RABGAP1L: variants seen among roughly 807,000 people sequenced by gnomAD.
RABGAP1L encodes rab GTPase-activating protein 1-like.
RABGAP1L carries 63 observed loss-of-function variants against 137.7 expected under a neutral mutation model. The observed-to-expected ratio is 0.46, with a 90% confidence interval of 0.37 to 0.56. The LOEUF (loss-of-function observed/expected upper bound fraction) is 0.56. RABGAP1L is among the 20% of genes least tolerant of loss of function. RABGAP1L has a pLI of 0.00. For synonymous variants in RABGAP1L, 431 were observed against 433.7 expected, an observed-to-expected ratio of 0.99 and a Z score of 0.08; for missense variants, 1,095 against 1,244.0, an observed-to-expected ratio of 0.88 and a Z score of 1.80.
At chr1:174,424,485 A>G (rs1350657299) in intron 13 of RABGAP1L, among the ~76,000 whole-genome samples, 1 of 152,064 alleles carries the variant, frequency 6.6e-6, no homozygotes, top group Non-Finnish European at 1.5e-5. Context: ...TTTTAGGAAC[A>G]TTTTCGTCAT....
chr1:174,701,077 T>C (rs1335788485), intron 16 of RABGAP1L: 28 of 1,303,096 alleles, frequency 2.1e-5, no homozygotes, highest in Non-Finnish European at 2.6e-5. Flanking sequence ...GCTTATTTTG[T>C]TTTTTATTCT....
At chr1:174,386,924 T>C (rs909375649) in intron 12 of RABGAP1L, among the ~76,000 whole-genome samples, 4 of 152,152 alleles carry the variant, frequency 2.6e-5, no homozygotes, top group African/African-American at 9.7e-5. Flanking sequence ...TAAAGAGAGA[T>C]TATGAGAATG....
intron 13 of RABGAP1L, among the ~76,000 whole-genome samples, chr1:174,438,524 C>T (rs192532029): frequency 3.8e-4 from 57 of 151,724 alleles, no homozygotes; most frequent in African/African-American, 1.3e-3. Context: ...TTGAGGCCAG[C>T]CTGGTCAACA....
chr1:174,694,203 TTTA>T (rs1187676355), intron 15 of RABGAP1L, among the ~76,000 whole-genome samples: 2 of 152,044 alleles, frequency 1.3e-5, no homozygotes, highest in East Asian at 3.9e-4. Flanking sequence ...TTATTTTTTA[TTTA>T]TTATTATTAT....
chr1:174,384,192 A>T (rs1219627543), intron 12 of RABGAP1L, among the ~76,000 whole-genome samples: 30 of 152,232 alleles, frequency 2.0e-4, no homozygotes, highest in Non-Finnish European at 1.5e-5. Flanking sequence ...ATACTATGTT[A>T]TTCCATTTGT....
At chr1:174,869,214 G>A (rs564008630) in intron 19 of RABGAP1L, among the ~76,000 whole-genome samples, 1 of 152,180 alleles carries the variant, frequency 6.6e-6, no homozygotes, top group African/African-American at 2.4e-5. Flanking sequence ...TCGTTTTGTG[G>A]ATGATGACAT....
Position 174,221,035 on chromosome 1 carries a change from A to AAAAG in RABGAP1L, c.203_206dup (p.Pro70LysfsTer8). On this transcript the variant is annotated frameshift_variant, in exon 3 of 26. Transcript: ENST00000681986. LOFTEE classifies it high-confidence loss of function. ...GGAAGAGATTTTGAGAGATTCCGAGAAAAGGCCAAGCAGTCTTCTTGTTGA... is the reference window on the plus strand; with the variant it reads ...GGAAGAGATTTTGAGAGATTCCGAGAAAAGAAAGGCCAAGCAGTCTTCTTGTTGA... The AAAAG allele has an allele frequency of 6.2e-7, 1 of 1,613,560 alleles. No individual in the cohort carries two copies. Among genetic ancestry groups the AAAAG allele is most frequent in the Non-Finnish European group, 8.5e-7 (1 of 1,179,718 alleles).
intron 20 of RABGAP1L, chr1:174,958,336 C>T (rs1668792041): frequency 6.1e-6 from 4 of 657,930 alleles, no homozygotes; most frequent in Non-Finnish European, 8.6e-6. Context: ...ATTAGCAACA[C>T]TGTTCCCAGG....
At chr1:174,652,963 G>C (rs1675658742) in intron 14 of RABGAP1L, among the ~76,000 whole-genome samples, 1 of 152,190 alleles carries the variant, frequency 6.6e-6, no homozygotes, top group South Asian at 2.1e-4. Flanking sequence ...GTCCTGACTG[G>C]GGCTGCTGCC....
chr1:174,875,489 C>G, intron 19 of RABGAP1L: 2 of 980,408 alleles, frequency 2.0e-6, no homozygotes, highest in Non-Finnish European at 2.4e-6. Context: ...GAAGTACTTT[C>G]TTTACCTTCC....
chr1:174,761,519 C>T lies in RABGAP1L; in HGVS notation c.2211+9165C>T, dbSNP rs1421705869. Among the ~76,000 whole-genome samples, 3 of 151,966 alleles carry T rather than the reference C, an allele frequency of 2.0e-5. No homozygotes were observed. The highest frequency in any genetic ancestry group is 2.1e-4 in the South Asian group (1 of 4,808). ...GGCCGGGGAGAGGCGCTGCTCACTT[C>T]CCAGCAGAGGCTCTCCTCACTTCCC... On this transcript the variant is annotated intron_variant, in intron 18 of 25. Transcript: ENST00000681986. This position sits in a 1 kb window ranked among gnomAD's most constrained non-coding sequence, Gnocchi z 4.0.
chr1:174,652,634 G>A (rs532463128), intron 14 of RABGAP1L, among the ~76,000 whole-genome samples: 18 of 152,192 alleles, frequency 1.2e-4, no homozygotes, highest in Non-Finnish European at 2.4e-4. Flanking sequence ...ATAGGCTTCA[G>A]AACAGCAAGA....
chr1:174,209,885 T>G (rs1010026232), intron 1 of RABGAP1L, among the ~76,000 whole-genome samples: 3 of 152,150 alleles, frequency 2.0e-5, no homozygotes, highest in Non-Finnish European at 4.4e-5. Flanking sequence ...CAGCCCCAGG[T>G]GGCACAGAAC....
intron 23 of RABGAP1L, among the ~76,000 whole-genome samples, 184 bp downstream of exon 23, chr1:174,979,074 AC>A (rs1485016970): frequency 7.2e-5 from 11 of 152,198 alleles, no homozygotes. Flanking sequence ...AGTCCCAGCT[AC>A]CCGGGAGGCT....
intron 11 of RABGAP1L, among the ~76,000 whole-genome samples, chr1:174,324,408 GAT>G (rs1421030855): frequency 1.3e-5 from 2 of 152,132 alleles, no homozygotes; most frequent in African/African-American, 4.8e-5. Context: ...CAGCAAATGA[GAT>G]AGGAAACACA....
rs570660636 is a variant in RABGAP1L at position 174,650,043 on chromosome 1, A to G, written c.1824+12555A>G. Among the ~76,000 whole-genome samples the G allele has an allele frequency of 2.2e-4, 33 of 152,244 alleles. 1 individual carries two copies. The highest frequency in any genetic ancestry group is 7.5e-4 in the African/African-American group (31 of 41,516). On this transcript the variant is annotated intron_variant, in intron 14 of 25. Transcript: ENST00000681986. ...AATTTATTGAGAGTTTTTAGCATGA[A>G]GTGTTGTTGAATTTTGTCAAAGGCC... is the stretch of plus-strand genomic sequence containing the variant.
rs538041925 is a variant in RABGAP1L at position 174,688,942 on chromosome 1, A to G, written c.1899+5346A>G. On this transcript the variant is annotated intron_variant, in intron 15 of 25. Transcript: ENST00000681986. ...ATGGAAAAAACTATAAAGAACACCA[A>G]TGAAGTGGTAACTGTTAAAGTTACG... Among the ~76,000 whole-genome samples the G allele has an allele frequency of 3.9e-5, 6 of 152,272 alleles. No individual in the cohort carries two copies. In the East Asian group the frequency reaches 1.2e-3, roughly 29 times the overall value.
At chr1:174,629,201 T>G (rs1375206586) in intron 13 of RABGAP1L, among the ~76,000 whole-genome samples, 1 of 152,210 alleles carries the variant, frequency 6.6e-6, no homozygotes, top group Non-Finnish European at 1.5e-5. Context: ...TCCTGAAACA[T>G]AAACTCTTTC....
At chr1:174,210,464 GTCTTTTA>G (rs1225901948) in intron 1 of RABGAP1L, among the ~76,000 whole-genome samples, 1 of 152,172 alleles carries the variant, frequency 6.6e-6, no homozygotes, top group Non-Finnish European at 1.5e-5. Flanking sequence ...ATGTATTGAA[GTCTTTTA>G]ATAGCAGAAT....
Sources: gnomAD v4.1 joint callset for allele counts (sites outside exome capture counted in the v4.1 genomes callset) on GRCh38, gnomAD v4.1.1 for gene constraint, Gnocchi (gnomAD v3.1) non-coding constraint, MANE v1.5 for transcripts, NCBI Gene and HGNC (gene_info 2026-07-23, HGNC 2026-07-21) for gene names.